The following ALK variants were observed in gnomAD, a reference collection of about 807,000 sequenced individuals.
The protein encoded by ALK is ALK receptor tyrosine kinase, also known as ALK tyrosine kinase receptor.
Under a neutral mutation model 163.1 loss-of-function variants are expected in ALK, and 74 were observed. The observed-to-expected ratio is 0.45, with a 90% CI of 0.38 to 0.55. ALK has a LOEUF of 0.55. Ranked by LOEUF, ALK falls within the 20% of genes least tolerant of loss-of-function variation. The probability of loss-of-function intolerance (pLI) is 0.00; values close to 1 mark genes in which losing one functional copy is unlikely to be tolerated. For synonymous variants in ALK, 960 were observed against 843.2 expected (o/e 1.14, Z -2.40); for missense variants, 2,063 against 2,105.3 (o/e 0.98, Z 0.39).
intron 1 of ALK, among the ~76,000 whole-genome samples, chr2:29,754,925 T>C (rs955699294): frequency 6.6e-6 from 1 of 152,148 alleles, no homozygotes; most frequent in Non-Finnish European, 1.5e-5. Flanking sequence ...AAATGTCTCT[T>C]GGTCTCAGGA....
At chr2:29,888,686 T>C (rs113458448) in intron 1 of ALK, among the ~76,000 whole-genome samples, 23 of 152,346 alleles carry the variant, frequency 1.5e-4, no homozygotes, top group African/African-American at 5.3e-4. Flanking sequence ...AAGTAAAATT[T>C]GATATATGTC....
chr2:29,518,475 T>A (rs1011251437), intron 4 of ALK, among the ~76,000 whole-genome samples: 1 of 152,182 alleles, frequency 6.6e-6, no homozygotes, highest in African/African-American at 2.4e-5. Context: ...AATCAAATAG[T>A]CTAAGAAATG....
chr2:29,460,356 C>A lies in ALK; in HGVS notation c.1154+71559G>T, dbSNP rs78716122. Among the ~76,000 whole-genome samples, 938 of 152,226 alleles carry A rather than the reference C, an allele frequency of 6.2e-3. 11 individuals are homozygous for A. Among genetic ancestry groups the A allele is most frequent in the African/African-American group, 0.021 (889 of 41,532 alleles). On this transcript the variant is annotated intron_variant, in intron 4 of 28. Coordinates refer to ENST00000389048, the MANE Select transcript of ALK (RefSeq NM_004304.5). The stretch of plus-strand genomic sequence containing the variant: ...ATCATTGTTCTAAGCACATTTGTTA[C>A]CCAGCGGAGGACATAAGTCATATAC...
At chr2:29,667,154 T>C (rs1276398231) in intron 3 of ALK, among the ~76,000 whole-genome samples, 1 of 152,166 alleles carries the variant, frequency 6.6e-6, no homozygotes, top group Non-Finnish European at 1.5e-5. Context: ...AGAGTGCAGA[T>C]GTCTTTTAGA....
intron 1 of ALK, among the ~76,000 whole-genome samples, chr2:29,882,290 A>G (rs1456555647): frequency 2.0e-5 from 3 of 152,248 alleles, no homozygotes; most frequent in Non-Finnish European, 2.9e-5. Context: ...CAAATTGCAA[A>G]CAAGTCATTT....
At chr2:29,886,803 T>C (rs1666997922) in intron 1 of ALK, among the ~76,000 whole-genome samples, 1 of 152,254 alleles carries the variant, frequency 6.6e-6, no homozygotes, top group African/African-American at 2.4e-5. Context: ...GATTAGCTGA[T>C]ATAACACAGC....
intron 1 of ALK, among the ~76,000 whole-genome samples, chr2:29,794,645 T>C (rs1457488852): frequency 6.6e-6 from 1 of 152,096 alleles, no homozygotes; most frequent in Non-Finnish European, 1.5e-5. Context: ...TATTTTTGTA[T>C]CTCAGGGAAC....
In ALK at chr2:29,458,895, T is replaced by C. The variant is rs186937057; in HGVS notation, c.1154+73020A>G. On this transcript the variant is annotated intron_variant, in intron 4 of 28. Transcript: ENST00000389048. ...CCTTTCTGATACTCCCAAATGCCCA[T>C]TGTAGGTGCACATCTACCCAAGAAC... Among the ~76,000 whole-genome samples the C allele has an allele frequency of 1.4e-3, 213 of 152,246 alleles. 3 individuals carry two copies. Among genetic ancestry groups the C allele is most frequent in the Non-Finnish European group, 2.9e-4 (20 of 68,010 alleles).
intron 5 of ALK, among the ~76,000 whole-genome samples, chr2:29,376,372 C>G (rs554579946): frequency 5.9e-5 from 9 of 152,322 alleles, no homozygotes; most frequent in African/African-American, 2.2e-4. Context: ...CCTTACAACC[C>G]TTAGGGTTAG....
chr2:29,883,848 T>C lies in ALK; in HGVS notation c.667+36145A>G, dbSNP rs376417412. Among the ~76,000 whole-genome samples the C allele has an allele frequency of 3.3e-5, 5 of 152,270 alleles. No homozygotes were observed. In the East Asian group the frequency reaches 9.6e-4, roughly 29 times the overall value. On this transcript the variant is annotated intron_variant, in intron 1 of 28. Transcript: ENST00000389048. ...TGAGAAAACTCACAGATATAGTACA[T>C]AGCCTGGAAATATCAAAAAATAAGA...
intron 3 of ALK, among the ~76,000 whole-genome samples, chr2:29,656,009 G>C (rs1028955779): frequency 5.3e-5 from 8 of 152,116 alleles, no homozygotes; most frequent in Non-Finnish European, 8.8e-5. Context: ...CATTCTGTCT[G>C]AGGGTCACAA....
chr2:29,722,912 A>G (rs141845580), intron 1 of ALK, among the ~76,000 whole-genome samples: 5 of 152,308 alleles, frequency 3.3e-5, no homozygotes, highest in Admixed American at 6.5e-5. Context: ...ACCAATGAGG[A>G]ATCCTTAACT....
chr2:29,747,467 A>T (rs777027071), intron 1 of ALK, among the ~76,000 whole-genome samples: 1 of 152,360 alleles, frequency 6.6e-6, no homozygotes, highest in East Asian at 1.9e-4. Context: ...ATCAGGATAC[A>T]TCGGTTTTGG....
chr2:29,466,499 T>G (rs1233969789), intron 4 of ALK, among the ~76,000 whole-genome samples: 1 of 152,242 alleles, frequency 6.6e-6, no homozygotes, highest in Non-Finnish European at 1.5e-5. Flanking sequence ...TGTCATTATG[T>G]TTTTTAATCA....
chr2:29,482,437 C>T (rs1474990110), intron 4 of ALK, among the ~76,000 whole-genome samples: 6 of 152,154 alleles, frequency 3.9e-5, no homozygotes, highest in Admixed American at 1.3e-4. Context: ...ATGCCTATGC[C>T]TACATCTGAG....
intron 3 of ALK, among the ~76,000 whole-genome samples, chr2:29,620,278 C>T (rs910281243): frequency 5.3e-5 from 8 of 151,968 alleles, no homozygotes; most frequent in Non-Finnish European, 4.4e-5. Flanking sequence ...CCATTCCAGG[C>T]CCTTCTCCCT....
chr2:29,340,362 G>A (rs1174118144), intron 5 of ALK, among the ~76,000 whole-genome samples: 1 of 152,158 alleles, frequency 6.6e-6, no homozygotes, highest in Non-Finnish European at 1.5e-5. Flanking sequence ...AAGGGAAGGA[G>A]GGCTCATTCA....
At chr2:29,887,335 CCA>C in intron 1 of ALK, among the ~76,000 whole-genome samples, 1 of 152,240 alleles carries the variant, frequency 6.6e-6, no homozygotes, top group South Asian at 2.1e-4. Flanking sequence ...GGGCTGTTGG[CCA>C]CAGTGTCTTC....
At chr2:29,383,357 C>T (rs1369589824) in intron 5 of ALK, among the ~76,000 whole-genome samples, 2 of 151,722 alleles carry the variant, frequency 1.3e-5, no homozygotes, top group Non-Finnish European at 2.9e-5. Flanking sequence ...CGCTCTGTTG[C>T]CCAGGCTGGA....
Sources: gnomAD v4.1 joint callset for allele counts (sites outside exome capture counted in the v4.1 genomes callset) on GRCh38, gnomAD v4.1.1 for gene constraint, MANE v1.5 for transcripts, NCBI Gene and HGNC (gene_info 2026-07-23, HGNC 2026-07-21) for gene names.